NBAS: variants seen among roughly 807,000 people sequenced by gnomAD.
The protein encoded by NBAS is NAG/BC035112 fusion.
In NBAS, 219 loss-of-function variants were observed where a neutral mutation model predicts 302.5. The ratio of observed to expected loss-of-function variants is 0.72; its 90% CI spans 0.65 to 0.81. NBAS has a LOEUF of 0.81. Among genes scored for constraint, NBAS ranks in the 30% least tolerant of loss-of-function variants. The probability of loss-of-function intolerance (pLI) is 0.00; values close to 1 mark genes in which losing one functional copy is unlikely to be tolerated. For missense variants in NBAS, 2,932 were observed against 2,841.6 expected (o/e 1.03, Z -0.72); for synonymous variants, 1,118 against 1,021.6 (o/e 1.09, Z -1.80).
chr2:15,158,245 T>G, the NBAS span, among the ~76,000 whole-genome samples: 1 of 152,202 alleles, frequency 6.6e-6, no homozygotes, highest in Non-Finnish European at 1.5e-5. Context: ...GAGAGCTGGC[T>G]GTGGGATCCC....
the NBAS span, among the ~76,000 whole-genome samples, chr2:15,042,700 C>T: frequency 3.9e-5 from 6 of 152,146 alleles, no homozygotes; most frequent in African/African-American, 1.4e-4. Flanking sequence ...CTGCCAGGTC[C>T]AAGGGAAGAT....
intron 23 of NBAS, among the ~76,000 whole-genome samples, chr2:15,418,926 C>A (rs1379042144): frequency 6.6e-6 from 1 of 152,106 alleles, no homozygotes; most frequent in Non-Finnish European, 1.5e-5. Flanking sequence ...AATAGAGCTA[C>A]ACTTTGGAAG....
At chr2:15,049,125 A>G in the NBAS span, among the ~76,000 whole-genome samples, 3 of 131,588 alleles carry the variant, frequency 2.3e-5, no homozygotes, top group Non-Finnish European at 3.4e-5. Flanking sequence ...GCTTTTTCCA[A>G]ACCTGGGGTG....
At chr2:15,218,992 T>A (rs1666791043) in intron 47 of NBAS, 24 bp from the exon 48 acceptor site, 1 of 1,613,476 alleles carries the variant, frequency 6.2e-7, no homozygotes, top group Non-Finnish European at 8.5e-7. Flanking sequence ...TCCAGAGGTA[T>A]CTGTAAACTC....
At chr2:15,488,794 A>C in intron 12 of NBAS, 100 bp downstream of exon 12, 4 of 1,430,868 alleles carry the variant, frequency 2.8e-6, no homozygotes, top group Non-Finnish European at 2.9e-6. Context: ...AACGATGAGA[A>C]TAAACAGCTG....
At chr2:15,273,561 T>C (rs567936803) in intron 44 of NBAS, among the ~76,000 whole-genome samples, 1 of 152,200 alleles carries the variant, frequency 6.6e-6, no homozygotes, top group Non-Finnish European at 1.5e-5. Context: ...CCAACTTAAC[T>C]TTGCTAAGCC....
chr2:14,909,888 A>C, the NBAS span, among the ~76,000 whole-genome samples: 3 of 152,300 alleles, frequency 2.0e-5, no homozygotes, highest in South Asian at 2.1e-4. Flanking sequence ...AGCCTTTTGA[A>C]GTAGGAAGCA....
chr2:15,292,916 T>A, intron 40 of NBAS, 150 bp from the exon 41 acceptor site: 1 of 800,604 alleles, frequency 1.2e-6, no homozygotes. Context: ...CCCTGAAAAG[T>A]CAGTTGCAGA....
At chr2:14,833,189 C>T in the NBAS span, among the ~76,000 whole-genome samples, 10 of 152,220 alleles carry the variant, frequency 6.6e-5, no homozygotes, top group South Asian at 1.0e-3. Flanking sequence ...TAGCCTCTAG[C>T]TCTCCATCAA....
chr2:15,391,122 T>A (rs1054796096), intron 28 of NBAS, among the ~76,000 whole-genome samples: 4 of 151,434 alleles, frequency 2.6e-5, no homozygotes, highest in Non-Finnish European at 5.9e-5. Flanking sequence ...AAAAAAAAAA[T>A]TATTTTGCAT....
chr2:14,843,450 A>C, the NBAS span, among the ~76,000 whole-genome samples: 3 of 152,246 alleles, frequency 2.0e-5, no homozygotes, highest in East Asian at 5.8e-4. Flanking sequence ...GTTAGAACTG[A>C]TAAACAAATT....
intron 21 of NBAS, among the ~76,000 whole-genome samples, chr2:15,434,928 C>T (rs1558334566): frequency 6.6e-6 from 1 of 152,174 alleles, no homozygotes; most frequent in Non-Finnish European, 1.5e-5. Context: ...TATTCTGTAA[C>T]TTAGACTGAC....
At chr2:14,934,051 G>C in the NBAS span, among the ~76,000 whole-genome samples, 1 of 152,126 alleles carries the variant, frequency 6.6e-6, no homozygotes, top group African/African-American at 2.4e-5. Flanking sequence ...ATAATCAAGT[G>C]TCCAGGGAAA....
chr2:14,784,005 T>A, the NBAS span, among the ~76,000 whole-genome samples: 2 of 152,124 alleles, frequency 1.3e-5, no homozygotes, highest in African/African-American at 4.8e-5. Flanking sequence ...TTTTTAATGA[T>A]TGCCACTCTA....
chr2:15,177,250 C>T (rs1431618082), intron 51 of NBAS, among the ~76,000 whole-genome samples: 3 of 152,158 alleles, frequency 2.0e-5, no homozygotes, highest in Admixed American at 6.5e-5. Flanking sequence ...GCACATCTAA[C>T]GTGCAGATCA....
At chr2:14,833,867 T>C in the NBAS span, among the ~76,000 whole-genome samples, 12 of 152,110 alleles carry the variant, frequency 7.9e-5, no homozygotes, top group Non-Finnish European at 1.3e-4. Context: ...TTCTTTGAAA[T>C]GTGAATGCAA....
At chr2:15,088,227 G>C in the NBAS span, among the ~76,000 whole-genome samples, 1 of 152,150 alleles carries the variant, frequency 6.6e-6, no homozygotes, top group Non-Finnish European at 1.5e-5. Flanking sequence ...TGGTTGTTTG[G>C]AGCCAAAAGA....
At position 15,217,005 on chromosome 2, in the gene NBAS, T is replaced by C. The variant is rs1052260716; in HGVS notation, c.6432+1768A>G. ...AAAGTTCCACATAGCAAAACTAATGTGACCTAATTTAGGGTTTTCCCCAGG... is the reference window on the plus strand; with the variant it reads ...AAAGTTCCACATAGCAAAACTAATGCGACCTAATTTAGGGTTTTCCCCAGG... On this transcript the variant is annotated intron_variant, in intron 48 of 51. Transcript: ENST00000281513. 2.6e-4 allele frequency among the ~76,000 whole-genome samples: 39 copies of C among 152,346 alleles called. 1 individual carries two copies. The highest frequency in any genetic ancestry group is 2.3e-3 in the Admixed American group (35 of 15,302).
In NBAS at chr2:15,440,363, T is replaced by C. The variant is rs568422110; in HGVS notation, c.2340-12569A>G. On this transcript the variant is annotated intron_variant, in intron 21 of 51. Coordinates refer to ENST00000281513, the MANE Select transcript of NBAS (RefSeq NM_015909.4). ...ATTCGCGGTTCACGAAAAACCGCTA[T>C]TCTGCAGACACCGCTGCTGATACCC... Among the ~76,000 whole-genome samples, 133 of 152,314 alleles carry C rather than the reference T, an allele frequency of 8.7e-4. 1 individual carries two copies. Among genetic ancestry groups the C allele is most frequent in the Admixed American group, 2.0e-3 (30 of 15,294 alleles).
Sources: allele counts gnomAD v4.1 joint callset (sites outside exome capture counted in the v4.1 genomes callset), GRCh38; gene constraint gnomAD v4.1.1; transcripts MANE v1.5; gene names NCBI Gene and HGNC (gene_info 2026-07-23, HGNC 2026-07-21).